The following FSTL4 variants were observed in gnomAD, a reference collection of about 807,000 sequenced individuals.
The protein encoded by FSTL4 is follistatin-related protein 4.
A neutral mutation model predicts 78.2 loss-of-function variants in FSTL4; 28 were observed. The ratio of observed to expected loss-of-function variants is 0.36; its 90% confidence interval spans 0.27 to 0.49. FSTL4 has a LOEUF of 0.49. Ranked by LOEUF, FSTL4 falls within the 20% of genes least tolerant of loss-of-function variation. The probability of loss-of-function intolerance (pLI) is 0.98; values close to 1 mark genes in which losing one functional copy is unlikely to be tolerated. For synonymous variants in FSTL4, 422 were observed against 440.5 expected (o/e 0.96, Z 0.53); for missense variants, 922 against 1,084.9 (o/e 0.85, Z 2.11).
chr5:133,353,752 A>C (rs1381741929), intron 4 of FSTL4, among the ~76,000 whole-genome samples: 1 of 152,262 alleles, frequency 6.6e-6, no homozygotes, highest in African/African-American at 2.4e-5. Context: ...GCCATCTGAA[A>C]TAACAACCCC....
At chr5:133,209,931 T>C (rs962635545) in intron 14 of FSTL4, 21 of 361,008 alleles carry the variant, frequency 5.8e-5, no homozygotes, top group Non-Finnish European at 8.7e-5. Flanking sequence ...AGAGGCAGGA[T>C]TGTGGGGCTG....
the FSTL4 span, among the ~76,000 whole-genome samples, chr5:133,808,273 T>C: frequency 6.6e-6 from 1 of 152,272 alleles, no homozygotes. Flanking sequence ...GCCAGGGTGC[T>C]GAGAGCTCGT....
chr5:133,576,959 T>G (rs758175898), intron 2 of FSTL4, among the ~76,000 whole-genome samples: 18 of 152,184 alleles, frequency 1.2e-4, no homozygotes, highest in Non-Finnish European at 2.5e-4. Flanking sequence ...ATTCTGCAAT[T>G]AAAATCTTCA....
At chr5:133,254,768 G>A (rs565465829) in intron 6 of FSTL4, among the ~76,000 whole-genome samples, 12 of 152,334 alleles carry the variant, frequency 7.9e-5, no homozygotes, top group African/African-American at 2.9e-4. Context: ...TCACAGGGAG[G>A]AGATGTGGCC....
chr5:133,667,470 G>C, the FSTL4 span, among the ~76,000 whole-genome samples: 1 of 152,012 alleles, frequency 6.6e-6, no homozygotes, highest in African/African-American at 2.4e-5. Context: ...ATCCCAACCA[G>C]TGTTAAAACA....
At chr5:133,669,091 T>C in the FSTL4 span, among the ~76,000 whole-genome samples, 67,958 of 152,116 alleles carry the variant, frequency 0.45, 16,107 homozygotes, top group African/African-American at 0.59. Flanking sequence ...AATTGGATGC[T>C]TCAATGATGG....
the FSTL4 span, among the ~76,000 whole-genome samples, chr5:133,767,378 A>G: frequency 6.6e-6 from 1 of 152,154 alleles, no homozygotes. Flanking sequence ...GGATGCAGAT[A>G]TTGGCACCTG....
At chr5:133,471,264 C>T (rs1757821988) in intron 3 of FSTL4, among the ~76,000 whole-genome samples, 1 of 152,118 alleles carries the variant, frequency 6.6e-6, no homozygotes, top group Non-Finnish European at 1.5e-5. Context: ...TGATCCTCGC[C>T]CTGTTTTGTG....
intron 6 of FSTL4, among the ~76,000 whole-genome samples, chr5:133,249,819 A>T (rs1370281206): frequency 6.6e-6 from 1 of 152,252 alleles, no homozygotes; most frequent in Admixed American, 6.5e-5. Flanking sequence ...AACCATAAGT[A>T]ATGTGCTGAG....
the FSTL4 span, among the ~76,000 whole-genome samples, chr5:133,772,355 G>A: frequency 1.3e-5 from 2 of 152,126 alleles, no homozygotes; most frequent in Non-Finnish European, 2.9e-5. Context: ...AACCATTTGT[G>A]TTTTTTAGTG....
chr5:133,805,868 A>G, the FSTL4 span, among the ~76,000 whole-genome samples: 1 of 152,186 alleles, frequency 6.6e-6, no homozygotes, highest in African/African-American at 2.4e-5. Context: ...ACTGTTGTGA[A>G]TCTCAGTGTC....
At chr5:133,318,921 C>A (rs1239461438) in intron 4 of FSTL4, among the ~76,000 whole-genome samples, 1 of 152,212 alleles carries the variant, frequency 6.6e-6, no homozygotes. Context: ...CTGGCCTAAG[C>A]ATGGAGAGCG....
At chr5:133,389,896 G>A (rs1395315378) in intron 4 of FSTL4, among the ~76,000 whole-genome samples, 8 of 152,206 alleles carry the variant, frequency 5.3e-5, no homozygotes, top group Admixed American at 5.2e-4. Flanking sequence ...AAGATGGGGT[G>A]GAGGAAGGCA....
intron 6 of FSTL4, among the ~76,000 whole-genome samples, chr5:133,252,602 A>G (rs1016350051): frequency 6.9e-6 from 1 of 144,098 alleles, no homozygotes; most frequent in Non-Finnish European, 1.5e-5. Context: ...GAGAGGGGGA[A>G]TGCAGGTGGG....
chr5:133,235,037 G>T (rs1751613084), intron 7 of FSTL4, among the ~76,000 whole-genome samples: 1 of 152,096 alleles, frequency 6.6e-6, no homozygotes, highest in African/African-American at 2.4e-5. Context: ...AGGAGAGAAG[G>T]CCGTGGTGGC....
At chr5:133,456,050 G>A (rs896023482) in intron 3 of FSTL4, among the ~76,000 whole-genome samples, 2 of 152,194 alleles carry the variant, frequency 1.3e-5, no homozygotes, top group Admixed American at 6.5e-5. Context: ...AGGGGAGGGC[G>A]TTCTGGGGAT....
At chr5:133,397,801 G>C (rs1485799901) in intron 4 of FSTL4, among the ~76,000 whole-genome samples, 1 of 152,246 alleles carries the variant, frequency 6.6e-6, no homozygotes, top group Non-Finnish European at 1.5e-5. Context: ...AAGTCCCAGA[G>C]AATGAAGTCA....
chr5:133,429,462 G>A (rs75332985), intron 3 of FSTL4, among the ~76,000 whole-genome samples: 7,118 of 152,080 alleles, frequency 0.047, 356 homozygotes, highest in African/African-American at 0.13. Context: ...GTCTATGCTC[G>A]TGACTCCCCC....
At chr5:133,688,511 A>C in the FSTL4 span, among the ~76,000 whole-genome samples, 1 of 152,230 alleles carries the variant, frequency 6.6e-6, no homozygotes. Context: ...CTGGCATAAA[A>C]AGTTTTGGTG....
Sources: allele counts gnomAD v4.1 joint callset (sites outside exome capture counted in the v4.1 genomes callset), GRCh38; gene constraint gnomAD v4.1.1; transcripts MANE v1.5; gene names NCBI Gene and HGNC (gene_info 2026-07-23, HGNC 2026-07-21).